Variants in SRGAP3 observed in about 807,000 individuals in gnomAD.
SRGAP3 encodes SLIT-ROBO Rho GTPase-activating protein 3.
SRGAP3 carries 39 observed loss-of-function variants against 121.1 expected under a neutral mutation model. The observed-to-expected ratio is 0.32, with a 90% CI of 0.25 to 0.42. SRGAP3 has a LOEUF of 0.42. Ranked by LOEUF, SRGAP3 falls within the 10% of genes least tolerant of loss-of-function variation. SRGAP3 has a pLI of 1.00. For missense variants in SRGAP3, 1,213 were observed against 1,470.6 expected, an observed-to-expected ratio of 0.82 and a Z score of 2.86; for synonymous variants, 601 against 570.0, an observed-to-expected ratio of 1.05 and a Z score of -0.77.
chr3:9,171,460 A>T (rs1950972841), intron 1 of SRGAP3, among the ~76,000 whole-genome samples: 1 of 152,250 alleles, frequency 6.6e-6, no homozygotes, highest in African/African-American at 2.4e-5. Flanking sequence ...GTCAAGTGGG[A>T]TAATAAATGA....
rs781691886 is a variant in SRGAP3 at position 9,124,743 on chromosome 3, G to A, written c.242C>T (p.Ser81Phe). The change falls in exon 2 of 22, where the codon TCC (serine) becomes TTC (phenylalanine). Residue 81 changes from serine to phenylalanine, a missense_variant. By Grantham distance (155) the Ser-to-Phe change is radical. Around this residue, in one of 2 missense-constraint regions of SRGAP3, gnomAD observed 793 missense variants for 1,032.9 expected, o/e 0.77. Transcript: ENST00000383836. Reference protein sequence around the residue: ...AERFSSKIRSSREHQFKKDQY... With the variant: ...AERFSSKIRSFREHQFKKDQY... ...TTCTTACTTGAACTGGTGCTCCCGG[G>A]AGCTGCGGATTTTGGAGGAGAAGCG... 6 of 1,614,088 alleles carry A rather than the reference G, an allele frequency of 3.7e-6. No individual in the cohort carries two copies. The highest frequency in any genetic ancestry group is 5.1e-6 in the Non-Finnish European group (6 of 1,180,044).
chr3:9,362,662 T>C (rs545797584), intron 1 of SRGAP3, among the ~76,000 whole-genome samples: 1 of 152,176 alleles, frequency 6.6e-6, no homozygotes, highest in African/African-American at 2.4e-5. Context: ...AGTGCTAAAA[T>C]AGTGATGGCA....
At chr3:9,182,736 C>G (rs142379451) in intron 1 of SRGAP3, among the ~76,000 whole-genome samples, 1 of 152,252 alleles carries the variant, frequency 6.6e-6, no homozygotes, top group African/African-American at 2.4e-5. Context: ...TCACTGCAGC[C>G]GTGAACTCTT....
intron 20 of SRGAP3, chr3:8,992,494 G>C (rs1031332175): frequency 8.3e-6 from 3 of 360,180 alleles, no homozygotes. Context: ...GTAGGTGTGA[G>C]TTTTCTGTTT....
chr3:9,297,281 C>T (rs574803440), intron 3 of SRGAP3, among the ~76,000 whole-genome samples: 1 of 152,290 alleles, frequency 6.6e-6, no homozygotes, highest in East Asian at 1.9e-4. Flanking sequence ...TGTCCTCCTC[C>T]ACCTTGCTAT....
At chr3:9,236,132 C>T (rs1217529494) in intron 1 of SRGAP3, 1 of 170,462 alleles carries the variant, frequency 5.9e-6, no homozygotes, top group Admixed American at 6.4e-5. Context: ...TTCTCAAGTA[C>T]CCTGACCCTT....
intron 4 of SRGAP3, among the ~76,000 whole-genome samples, chr3:9,079,312 C>T (rs950815027): frequency 1.3e-5 from 2 of 152,176 alleles, no homozygotes; most frequent in African/African-American, 4.8e-5. Flanking sequence ...CATATCTCTC[C>T]ATGGGGTCCC....
chr3:9,285,900 T>A (rs1954758640), intron 3 of SRGAP3, among the ~76,000 whole-genome samples: 1 of 151,024 alleles, frequency 6.6e-6, no homozygotes, highest in South Asian at 2.1e-4. Flanking sequence ...TTAAACTCAA[T>A]CCCAAGAGAC....
rs892692539 is a variant in SRGAP3, at chr3:8,994,241, G to A, written c.2408+102C>T. Reference sequence around the variant, plus strand: ...AAGAACAAGCGTATGATATCAAGGAGAGCAAATTGCTGGCATACAAGCTAG... The same window carrying A: ...AAGAACAAGCGTATGATATCAAGGAAAGCAAATTGCTGGCATACAAGCTAG... On this transcript the variant is annotated intron_variant, in intron 19 of 21. Transcript: ENST00000383836. The A allele has an allele frequency of 8.2e-6, 12 of 1,454,944 alleles. No homozygotes were observed. In the African/African-American group the frequency reaches 1.7e-4, roughly 20 times the overall value. The allele number at this position is 1,454,944 out of a possible 1,614,324, so 90.1% of individuals were successfully genotyped here. A position where few individuals can be genotyped will look rare whatever the true frequency, so the allele number is the denominator to read the frequency against.
chr3:9,202,657 C>G (rs371715271), intron 1 of SRGAP3, among the ~76,000 whole-genome samples: 1 of 152,236 alleles, frequency 6.6e-6, no homozygotes, highest in Non-Finnish European at 1.5e-5. Flanking sequence ...CTGCTCACCC[C>G]CTGGAAACCC....
At position 8,990,580 on chromosome 3, in the gene SRGAP3, T is replaced by C. The variant is rs1941978225; in HGVS notation, c.2818A>G (p.Thr940Ala). The change falls in exon 21 of 22, where the codon ACC becomes GCC. Residue 940 changes from threonine to alanine, a missense_variant. Thr to Ala is a moderately conservative substitution (Grantham distance 58, BLOSUM62 0). This residue lies in a region of SRGAP3 where 420 missense variants were observed against 437.7 expected (regional missense o/e 0.96). Transcript: ENST00000383836. ...CTGCTGTGCCTGGTGGAACCGCAGGTCGACCTCATCGAGTGCCCTTCGGAG... is the reference window on the plus strand; with the variant it reads ...CTGCTGTGCCTGGTGGAACCGCAGGCCGACCTCATCGAGTGCCCTTCGGAG... ...ALSEGHSMRS[T>A]CGSTRHSSLG... 6.3e-7 allele frequency: 1 copy of C among 1,593,210 alleles called. No homozygotes were observed. The highest frequency in any genetic ancestry group is 8.5e-7 in the Non-Finnish European group (1 of 1,170,306).
At chr3:8,995,415 G>A (rs1229462177) in intron 18 of SRGAP3, among the ~76,000 whole-genome samples, 1 of 152,230 alleles carries the variant, frequency 6.6e-6, no homozygotes, top group Non-Finnish European at 1.5e-5. Context: ...GGTTGAGGCT[G>A]CAGTGAGCCA....
At chr3:9,066,372 C>T (rs6772477) in intron 4 of SRGAP3, among the ~76,000 whole-genome samples, 15,489 of 152,234 alleles carry the variant, frequency 0.1, 897 homozygotes, top group African/African-American at 0.15. Context: ...AGGAATGAAA[C>T]GTGCTCCTAT....
At chr3:9,207,380 C>T (rs1952301004) in intron 1 of SRGAP3, among the ~76,000 whole-genome samples, 1 of 152,162 alleles carries the variant, frequency 6.6e-6, no homozygotes, top group African/African-American at 2.4e-5. Flanking sequence ...GATCTGCTAT[C>T]CACTGACTCT....
In SRGAP3 at chr3:8,983,723, A is replaced by T. The variant is rs9879535; in HGVS notation, c.*1796T>A. ...AATCACAAACGCATTGTATTGATTC[A>T]GTGTTTTCCAGTGTACACAGCTTGC... On this transcript the variant is annotated 3_prime_UTR_variant, in exon 22 of 22. Transcript: ENST00000383836. 2,363 of 230,556 alleles carry T rather than the reference A, an allele frequency of 0.01. 51 individuals carry two copies. The highest frequency in any genetic ancestry group is 0.049 in the African/African-American group (2,202 of 45,294). The allele number at this position is 230,556 out of a possible 1,614,324, so 14.3% of individuals were successfully genotyped here.
chr3:9,209,982 G>A (rs561701470), intron 1 of SRGAP3, among the ~76,000 whole-genome samples: 2 of 151,932 alleles, frequency 1.3e-5, no homozygotes, highest in Non-Finnish European at 2.9e-5. Context: ...ACAAAGTATG[G>A]ATCTATGTTA....
intron 1 of SRGAP3, among the ~76,000 whole-genome samples, chr3:9,171,920 C>T (rs371803511): frequency 9.9e-5 from 15 of 151,952 alleles, no homozygotes; most frequent in Non-Finnish European, 1.9e-4. Context: ...CTGTTCTATG[C>T]CTCTGTCCTG....
intron 10 of SRGAP3, among the ~76,000 whole-genome samples, chr3:9,043,963 T>C (rs1298437606): frequency 6.6e-6 from 1 of 152,172 alleles, no homozygotes; most frequent in African/African-American, 2.4e-5. Flanking sequence ...GACTCAGAGA[T>C]GATGATAAAC....
chr3:9,032,729 G>A lies in SRGAP3; in HGVS notation c.1460C>T (p.Pro487Leu), dbSNP rs372841588. 29 of 1,613,032 alleles carry A rather than the reference G, an allele frequency of 1.8e-5. No individual in the cohort carries two copies. Among genetic ancestry groups the A allele is most frequent in the Non-Finnish European group, 2.5e-5 (29 of 1,179,872 alleles). The part of the protein sequence containing the change: ...TTRPPCLPPK[P>L]QKMRRPRPLS... ...AGGCCTAGGTCTCCTCATTTTCTGT[G>A]GTTTAGGGGGAAGACAGGGGGGCCT... The change falls in exon 12 of 22, where the codon CCA (proline) becomes CTA (leucine). Residue 487 changes from proline to leucine, a missense_variant. Coordinates refer to ENST00000383836, the MANE Select transcript of SRGAP3 (RefSeq NM_014850.4).
Sources: gnomAD v4.1 joint callset for allele counts (sites outside exome capture counted in the v4.1 genomes callset) on GRCh38, gnomAD v4.1.1 for gene constraint, gnomAD v4.1.1 regional missense constraint, MANE v1.5 for transcripts, NCBI Gene and HGNC (gene_info 2026-07-23, HGNC 2026-07-21) for gene names.